Variants in TBC1D22A observed in about 807,000 individuals in gnomAD.
The protein encoded by TBC1D22A is TBC1 domain family member 22A, also known as putative GTPase activator.
TBC1D22A carries 38 observed loss-of-function variants against 60.2 expected under a neutral mutation model. That is an observed-to-expected ratio of 0.63 (90% CI 0.49 to 0.83). The LOEUF (loss-of-function observed/expected upper bound fraction) is 0.83, where lower values mean the gene tolerates loss of function less well. TBC1D22A is among the 40% of genes least tolerant of loss of function. The pLI is 0.00. For missense variants in TBC1D22A, 628 were observed against 701.0 expected (o/e 0.90, Z 1.18); for synonymous variants, 302 against 281.7 (o/e 1.07, Z -0.72).
At chr22:47,097,711 C>G (rs914860852) in intron 11 of TBC1D22A, among the ~76,000 whole-genome samples, 1 of 152,036 alleles carries the variant, frequency 6.6e-6, no homozygotes, top group South Asian at 2.1e-4. Flanking sequence ...GTGTGTGAAC[C>G]TGGTATATCT....
At chr22:46,852,149 A>T (rs1318836121) in intron 4 of TBC1D22A, among the ~76,000 whole-genome samples, 1 of 151,904 alleles carries the variant, frequency 6.6e-6, no homozygotes, top group East Asian at 1.9e-4. Flanking sequence ...ATTTGGGGGG[A>T]TGTCGTGGGC....
At chr22:47,130,665 A>T (rs1273954769) in intron 12 of TBC1D22A, among the ~76,000 whole-genome samples, 1 of 152,114 alleles carries the variant, frequency 6.6e-6, no homozygotes. Flanking sequence ...TGGTGGTGAC[A>T]TGTCTTTTCC....
At chr22:47,053,479 T>C (rs2063292314) in intron 11 of TBC1D22A, among the ~76,000 whole-genome samples, 1 of 152,180 alleles carries the variant, frequency 6.6e-6, no homozygotes, top group African/African-American at 2.4e-5. Context: ...CTCAGAGGCC[T>C]CAGGAGTGCT....
intron 12 of TBC1D22A, among the ~76,000 whole-genome samples, chr22:47,150,714 G>A (rs751438403): frequency 1.3e-5 from 2 of 152,262 alleles, no homozygotes; most frequent in African/African-American, 2.4e-5. Flanking sequence ...GCCAGTACGC[G>A]GTCTCCCCAG....
At chr22:47,106,707 AG>A (rs2065647233) in intron 11 of TBC1D22A, among the ~76,000 whole-genome samples, 1 of 152,196 alleles carries the variant, frequency 6.6e-6, no homozygotes, top group Non-Finnish European at 1.5e-5. Flanking sequence ...GGAAAAAAAA[AG>A]GGTAAAGTCA....
At chr22:46,888,296 G>T (rs774186000) in intron 5 of TBC1D22A, among the ~76,000 whole-genome samples, 1 of 152,262 alleles carries the variant, frequency 6.6e-6, no homozygotes, top group Non-Finnish European at 1.5e-5. Flanking sequence ...GGGTTGGGCA[G>T]AGGGTGACGT....
chr22:47,130,066 G>C (rs960143072), intron 12 of TBC1D22A, among the ~76,000 whole-genome samples: 5 of 152,164 alleles, frequency 3.3e-5, no homozygotes, highest in African/African-American at 1.2e-4. Flanking sequence ...CACCTGGGTG[G>C]GGCTGTGTCA....
chr22:46,929,108 C>CA (rs2071209249), intron 8 of TBC1D22A, among the ~76,000 whole-genome samples: 1 of 152,182 alleles, frequency 6.6e-6, no homozygotes, highest in Non-Finnish European at 1.5e-5. Flanking sequence ...AATTATATCT[C>CA]AGTTAAACAG....
intron 12 of TBC1D22A, among the ~76,000 whole-genome samples, chr22:47,165,128 C>T (rs750292088): frequency 1.3e-5 from 2 of 152,140 alleles, no homozygotes; most frequent in Non-Finnish European, 2.9e-5. Flanking sequence ...CTGGCCTCCT[C>T]CTGCTCTGTC....
chr22:46,856,149 C>T (rs111606844), intron 4 of TBC1D22A, among the ~76,000 whole-genome samples: 10 of 152,118 alleles, frequency 6.6e-5, no homozygotes, highest in Admixed American at 4.6e-4. Flanking sequence ...GGGTACAGCA[C>T]GTGCCAGAGA....
chr22:46,855,551 A>G (rs914263933), intron 4 of TBC1D22A, among the ~76,000 whole-genome samples: 3 of 152,100 alleles, frequency 2.0e-5, no homozygotes, highest in African/African-American at 7.2e-5. Flanking sequence ...TGTGGGGTGG[A>G]AGTGACCTTG....
intron 11 of TBC1D22A, among the ~76,000 whole-genome samples, chr22:47,052,598 A>G (rs1043988049): frequency 2.0e-5 from 3 of 152,124 alleles, no homozygotes; most frequent in Non-Finnish European, 2.9e-5. Flanking sequence ...TGTTGCACCA[A>G]GCTTCTCCGG....
At chr22:47,101,184 G>A (rs1467428579) in intron 11 of TBC1D22A, among the ~76,000 whole-genome samples, 1 of 152,176 alleles carries the variant, frequency 6.6e-6, no homozygotes, top group Non-Finnish European at 1.5e-5. Context: ...GTGTTCTTTT[G>A]TTGTATTAAT....
intron 12 of TBC1D22A, among the ~76,000 whole-genome samples, chr22:47,155,743 C>T (rs568587510): frequency 1.3e-4 from 20 of 152,178 alleles, no homozygotes; most frequent in African/African-American, 4.3e-4. Flanking sequence ...CTGGCGCCAG[C>T]GCAGACCCCC....
At chr22:46,847,509 C>T (rs2087057116) in intron 4 of TBC1D22A, among the ~76,000 whole-genome samples, 1 of 152,224 alleles carries the variant, frequency 6.6e-6, no homozygotes, top group East Asian at 1.9e-4. Context: ...GTTACGCATT[C>T]TGCTGCTTCT....
At chr22:47,164,547 A>T (rs879698091) in intron 12 of TBC1D22A, among the ~76,000 whole-genome samples, 1 of 152,194 alleles carries the variant, frequency 6.6e-6, no homozygotes, top group Admixed American at 6.5e-5. Flanking sequence ...GCCCTTGCTG[A>T]GGAGACTGGC....
intron 8 of TBC1D22A, among the ~76,000 whole-genome samples, chr22:46,948,914 CTA>C (rs2072722900): frequency 6.6e-6 from 1 of 152,308 alleles, no homozygotes; most frequent in South Asian, 2.1e-4. Flanking sequence ...AGACTGAACA[CTA>C]TGTGCCGGGG....
At chr22:47,134,821 T>TGG (rs142790821) in intron 12 of TBC1D22A, among the ~76,000 whole-genome samples, 3 of 152,122 alleles carry the variant, frequency 2.0e-5, no homozygotes, top group African/African-American at 7.2e-5. Flanking sequence ...CAAATTGAGA[T>TGG]GGGGGGTTCA....
chr22:47,032,697 C>G (rs1373553526), intron 10 of TBC1D22A, among the ~76,000 whole-genome samples: 3 of 152,240 alleles, frequency 2.0e-5, no homozygotes, highest in Admixed American at 1.3e-4. Flanking sequence ...AGCGGCCAGA[C>G]AGGGATGTGC....
Sources: allele counts gnomAD v4.1 joint callset (sites outside exome capture counted in the v4.1 genomes callset), GRCh38; gene constraint gnomAD v4.1.1; transcripts MANE v1.5; gene names NCBI Gene and HGNC (gene_info 2026-07-23, HGNC 2026-07-21).